PLEKHM1: variants seen among roughly 807,000 people sequenced by gnomAD.
The protein encoded by PLEKHM1 is pleckstrin homology domain-containing family M member 1.
A neutral mutation model predicts 94.3 loss-of-function variants in PLEKHM1; 28 were observed. That is an observed-to-expected ratio of 0.30 (90% CI 0.22 to 0.41). PLEKHM1 has a LOEUF of 0.41. PLEKHM1 is among the 10% of genes least tolerant of loss of function. PLEKHM1 has a pLI of 1.00. For synonymous variants in PLEKHM1, 424 were observed against 581.2 expected (o/e 0.73, Z 3.89); for missense variants, 907 against 1,358.6 (o/e 0.67, Z 5.22).
Position 45,440,224 on chromosome 17 carries a change from A to C in PLEKHM1, c.2840T>G (p.Leu947Arg), listed in dbSNP as rs1170678012. ...SGALKELSKR[L>R]NHRNYLLESP... ...TTCCAAGAGATAATTCCTGTGGTTG[A>C]GCCTTCAAACAAAACACAAGCGATT... The change falls in exon 10 of 12, where the codon CTC becomes CGC. Residue 947 changes from leucine (L) to arginine (R), a missense_variant and splice_region_variant. By Grantham distance (102) the Leu-to-Arg change is moderately radical. Around this residue, in one of 3 missense-constraint regions of PLEKHM1, gnomAD observed 254 missense variants for 451.1 expected, o/e 0.56. Coordinates refer to ENST00000430334, the MANE Select transcript of PLEKHM1 (RefSeq NM_014798.3). 9 of 1,614,078 alleles carry C rather than the reference A, an allele frequency of 5.6e-6. No individual in the cohort carries two copies. Among genetic ancestry groups the C allele is most frequent in the Non-Finnish European group, 7.6e-6 (9 of 1,179,928 alleles).
chr17:45,490,494 G>A (rs1286919917), intron 1 of PLEKHM1, among the ~76,000 whole-genome samples, 158 bp downstream of exon 1: 1 of 152,162 alleles, frequency 6.6e-6, no homozygotes, highest in African/African-American at 2.4e-5. Context: ...GGAGAGGAGC[G>A]GGCGCGGGCT....
chr17:45,439,900 CCTTGGGGAAA>C, intron 10 of PLEKHM1: 1 of 640,196 alleles, frequency 1.6e-6, no homozygotes. Flanking sequence ...TGTACCCTCC[CCTTGGGGAAA>C]GGAGTATTCC....
rs1365909557 is a variant in PLEKHM1, at chr17:45,445,334, T to C, written c.2837+136A>G. 3 of 733,582 alleles carry C rather than the reference T, an allele frequency of 4.1e-6. No individual in the cohort carries two copies. The highest frequency in any genetic ancestry group is 7.1e-6 in the Non-Finnish European group (3 of 424,414). The allele number at this position is 733,582 out of a possible 1,614,324, so 45.4% of individuals were successfully genotyped here. On this transcript the variant is annotated intron_variant, in intron 9 of 11. Transcript: ENST00000430334. The surrounding 1 kb of genome is among the most constrained non-coding windows in gnomAD (Gnocchi z 4.2). ...GGGTGTGGATGTCTATGCATTTGTG[T>C]ATAAATTTATGTGTGTGGGTATGTG...
At position 45,445,386 on chromosome 17, in the gene PLEKHM1, T is replaced by C; in HGVS notation, c.2837+84A>G. On this transcript the variant is annotated intron_variant, in intron 9 of 11. Transcript: ENST00000430334. The surrounding 1 kb of genome is among the most constrained non-coding windows in gnomAD (Gnocchi z 4.2). ...GCACATGTGTATGTGTGTCTGTGTG[T>C]ACATGTGCATATAAGTATGTGTTTG... 9.1e-7 allele frequency: 1 copy of C among 1,093,160 alleles called. No individual in the cohort carries two copies. Among genetic ancestry groups the C allele is most frequent in the Non-Finnish European group, 1.4e-6 (1 of 718,540 alleles). 67.7% of individuals were successfully genotyped at this position (1,093,160 alleles called of 1,614,324 possible). A position where few individuals can be genotyped will look rare whatever the true frequency, so the allele number is the denominator to read the frequency against.
intron 5 of PLEKHM1, 152 bp from the exon 6 acceptor site, chr17:45,458,591 C>T: frequency 5.4e-6 from 4 of 747,570 alleles, no homozygotes; most frequent in Non-Finnish European, 9.2e-6. Context: ...CTGCCCCAGT[C>T]TCCTGAGTAG....
At position 45,437,724 on chromosome 17, in the gene PLEKHM1, G is replaced by A. The variant is rs769981567; in HGVS notation, c.*134C>T. The A allele has an allele frequency of 2.7e-5, 21 of 767,586 alleles. No individual in the cohort carries two copies. The highest frequency in any genetic ancestry group is 2.5e-5 in the Non-Finnish European group (11 of 437,278). 47.5% of individuals were successfully genotyped at this position (767,586 alleles called of 1,614,324 possible). A position where few individuals can be genotyped will look rare whatever the true frequency, so the allele number is the denominator to read the frequency against. On this transcript the variant is annotated 3_prime_UTR_variant, in exon 12 of 12. Coordinates refer to ENST00000430334, the MANE Select transcript of PLEKHM1 (RefSeq NM_014798.3). The surrounding 1 kb of genome is among the most constrained non-coding windows in gnomAD (Gnocchi z 4.0). ...CTTTCTCTGGGAGGCCGGTGCTCTG[G>A]CCACATCTGAGGGTCTTCCTGACAA...
chr17:45,481,427 C>A (rs985718568), intron 2 of PLEKHM1, among the ~76,000 whole-genome samples: 1 of 150,706 alleles, frequency 6.6e-6, no homozygotes, highest in Non-Finnish European at 1.5e-5. Flanking sequence ...TTTAAATGTT[C>A]TTTTAAAAGC....
At chr17:45,450,576 C>A in intron 8 of PLEKHM1, 42 bp downstream of exon 8, 1 of 1,611,612 alleles carries the variant, frequency 6.2e-7, no homozygotes, top group Non-Finnish European at 8.5e-7. Flanking sequence ...AGTGAACACC[C>A]CTCTGTCCCT....
intron 1 of PLEKHM1, among the ~76,000 whole-genome samples, chr17:45,485,549 T>C (rs974234952): frequency 5.9e-5 from 9 of 152,262 alleles, no homozygotes; most frequent in African/African-American, 2.2e-4. Flanking sequence ...GAGTATTCAC[T>C]GGGAGGAGCA....
rs903559327 is a variant in PLEKHM1, at chr17:45,444,147, G to A, written c.2837+1323C>T. 2.6e-5 allele frequency among the ~76,000 whole-genome samples: 4 copies of A among 152,130 alleles called. No homozygotes were observed. Among genetic ancestry groups the A allele is most frequent in the African/African-American group, 9.7e-5 (4 of 41,432 alleles). On this transcript the variant is annotated intron_variant, in intron 9 of 11. Coordinates refer to ENST00000430334, the MANE Select transcript of PLEKHM1 (RefSeq NM_014798.3). The surrounding 1 kb of genome is among the most constrained non-coding windows in gnomAD (Gnocchi z 5.0). Reference sequence around the variant, plus strand: ...TGGAGGAGGCAGTCTTCAGAGAGGCGCTCTCTGGGCCAGCCCTGTGGGGAG... The same window carrying A: ...TGGAGGAGGCAGTCTTCAGAGAGGCACTCTCTGGGCCAGCCCTGTGGGGAG...
At chr17:45,454,724 C>T (rs932833689) in intron 6 of PLEKHM1, 34 of 289,744 alleles carry the variant, frequency 1.2e-4, no homozygotes, top group East Asian at 6.3e-4. Context: ...CACACATGCA[C>T]GCTGTCATTT....
At chr17:45,487,177 A>G (rs1385828417) in intron 1 of PLEKHM1, among the ~76,000 whole-genome samples, 1 of 152,172 alleles carries the variant, frequency 6.6e-6, no homozygotes, top group Non-Finnish European at 1.5e-5. Context: ...GTCTACTGCC[A>G]CCCTGTGTAT....
At position 45,437,009 on chromosome 17, in the gene PLEKHM1, A is replaced by T; in HGVS notation, c.*849T>A. ...GTAGAGGGGTGAGGAGCGCACGGGGATCGGGGGTGGGCAAGACGGCGACCC... is the reference window on the plus strand; with the variant it reads ...GTAGAGGGGTGAGGAGCGCACGGGGTTCGGGGGTGGGCAAGACGGCGACCC... On this transcript the variant is annotated 3_prime_UTR_variant, in exon 12 of 12. Transcript: ENST00000430334. The surrounding 1 kb of genome is among the most constrained non-coding windows in gnomAD (Gnocchi z 4.0). 2.2e-6 allele frequency: 1 copy of T among 453,814 alleles called. No homozygotes were observed. The highest frequency in any genetic ancestry group is 1.6e-5 in the South Asian group (1 of 64,424). The allele number at this position is 453,814 out of a possible 1,614,324, so 28.1% of individuals were successfully genotyped here. A position where few individuals can be genotyped will look rare whatever the true frequency, so the allele number is the denominator to read the frequency against.
chr17:45,484,144 T>C (rs570143393), intron 1 of PLEKHM1, among the ~76,000 whole-genome samples: 2 of 152,290 alleles, frequency 1.3e-5, no homozygotes, highest in South Asian at 2.1e-4. Flanking sequence ...TAACATCACA[T>C]GGGAGATAAC....
intron 2 of PLEKHM1, among the ~76,000 whole-genome samples, chr17:45,478,796 A>T (rs2051842836): frequency 6.6e-6 from 1 of 151,492 alleles, no homozygotes; most frequent in Non-Finnish European, 1.5e-5. Flanking sequence ...ACACCACTGT[A>T]CTCCAGCCTG....
chr17:45,486,771 T>A (rs1295987405), intron 1 of PLEKHM1, among the ~76,000 whole-genome samples: 1 of 152,068 alleles, frequency 6.6e-6, no homozygotes, highest in Non-Finnish European at 1.5e-5. Flanking sequence ...GCAGGACACC[T>A]CTGTTTGTAG....
At chr17:45,486,249 T>A (rs1344590477) in intron 1 of PLEKHM1, among the ~76,000 whole-genome samples, 35 of 145,408 alleles carry the variant, frequency 2.4e-4, no homozygotes, top group African/African-American at 6.8e-4. Context: ...AAAATAATAA[T>A]AATAATAATA....
At chr17:45,474,580 G>C (rs2145314865) in intron 4 of PLEKHM1, among the ~76,000 whole-genome samples, 2 of 152,298 alleles carry the variant, frequency 1.3e-5, no homozygotes, top group Non-Finnish European at 2.9e-5. Flanking sequence ...AATGTACTCT[G>C]ACCTATTAGT....
At chr17:45,479,247 C>T (rs1403486913) in intron 2 of PLEKHM1, among the ~76,000 whole-genome samples, 4 of 151,728 alleles carry the variant, frequency 2.6e-5, no homozygotes, top group Admixed American at 1.3e-4. Flanking sequence ...GGGCCGGGCA[C>T]GGTGGCTCAC....
Sources: gnomAD v4.1 joint callset for allele counts (sites outside exome capture counted in the v4.1 genomes callset) on GRCh38, gnomAD v4.1.1 for gene constraint, gnomAD v4.1.1 regional missense constraint, Gnocchi (gnomAD v3.1) non-coding constraint, MANE v1.5 for transcripts, NCBI Gene and HGNC (gene_info 2026-07-23, HGNC 2026-07-21) for gene names.